Variants in DPH6 observed in about 807,000 individuals in gnomAD.
DPH6 encodes diphthamine biosynthesis 6.
A neutral mutation model predicts 38.2 loss-of-function variants in DPH6; 33 were observed. The observed-to-expected ratio is 0.86, with a 90% CI of 0.65 to 1.15. DPH6 has a LOEUF of 1.15. Ranked by LOEUF, DPH6 falls within the 50% of genes most tolerant of loss-of-function variation. The pLI is 0.00. For missense variants in DPH6, 325 were observed against 320.0 expected (o/e 1.02, Z -0.12); for synonymous variants, 108 against 103.0 (o/e 1.05, Z -0.30).
downstream of DPH6, among the ~76,000 whole-genome samples, chr15:35,327,452 T>TC (rs1242235619): frequency 6.6e-6 from 1 of 151,574 alleles, no homozygotes; most frequent in African/African-American, 2.4e-5. Flanking sequence ...TTCACACCAT[T>TC]CTCCTGCCTC....
At chr15:35,494,375 T>A (rs2054521675) in intron 3 of DPH6, among the ~76,000 whole-genome samples, 1 of 152,060 alleles carries the variant, frequency 6.6e-6, no homozygotes, top group Non-Finnish European at 1.5e-5. Flanking sequence ...CTTCAAAATA[T>A]CAAAGCAAAG....
At chr15:35,254,511 A>C (rs1037261408) in intron 3 of DPH6, among the ~76,000 whole-genome samples, 1 of 152,118 alleles carries the variant, frequency 6.6e-6, no homozygotes, top group African/African-American at 2.4e-5. Flanking sequence ...TTTAAAATAC[A>C]AAAAAAAGTT....
chr15:35,164,768 C>T, the DPH6 span, among the ~76,000 whole-genome samples: 1 of 151,774 alleles, frequency 6.6e-6, no homozygotes, highest in Non-Finnish European at 1.5e-5. Context: ...GAAAGATGTC[C>T]TCATCTTATA....
intron 3 of DPH6, among the ~76,000 whole-genome samples, chr15:35,315,255 C>T (rs1264822930): frequency 1.3e-5 from 2 of 152,218 alleles, no homozygotes; most frequent in Admixed American, 6.5e-5. Flanking sequence ...ATCTTGACAA[C>T]CTTTTGCAGG....
chr15:35,502,044 G>A (rs2054634307), intron 3 of DPH6, among the ~76,000 whole-genome samples: 1 of 151,982 alleles, frequency 6.6e-6, no homozygotes, highest in Non-Finnish European at 1.5e-5. Flanking sequence ...TAAAATTGAT[G>A]GCTTAAAAAT....
intron 3 of DPH6, among the ~76,000 whole-genome samples, chr15:35,532,790 G>A (rs1595448889): frequency 6.6e-6 from 1 of 151,972 alleles, no homozygotes; most frequent in East Asian, 1.9e-4. Flanking sequence ...AAGGGAGGGA[G>A]GGAAGAGAGA....
chr15:35,462,090 A>T (rs968616931), intron 3 of DPH6, among the ~76,000 whole-genome samples: 21 of 152,178 alleles, frequency 1.4e-4, no homozygotes, highest in Admixed American at 1.3e-3. Context: ...TATGACGTGC[A>T]TCCTATCAAT....
chr15:35,350,128 G>A (rs1445026713), intron 3 of DPH6, among the ~76,000 whole-genome samples: 1 of 152,072 alleles, frequency 6.6e-6, no homozygotes, highest in African/African-American at 2.4e-5. Context: ...CTCCTTACTC[G>A]TTATTGGTCT....
intron 3 of DPH6, among the ~76,000 whole-genome samples, chr15:35,504,068 A>T (rs2054662398): frequency 1.3e-5 from 2 of 152,088 alleles, no homozygotes; most frequent in African/African-American, 4.8e-5. Context: ...TCAAGATCTC[A>T]AAAGACCTAG....
intron 1 of DPH6, 123 bp downstream of exon 1, chr15:35,545,996 A>C: frequency 2.2e-6 from 2 of 906,214 alleles, no homozygotes; most frequent in African/African-American, 1.7e-5. Context: ...TGTGGCTCGG[A>C]GGAGCCGCGG....
At chr15:35,286,938 T>C (rs972912116) in intron 3 of DPH6, among the ~76,000 whole-genome samples, 1 of 152,186 alleles carries the variant, frequency 6.6e-6, no homozygotes, top group Admixed American at 6.5e-5. Context: ...ACTTTTCCTC[T>C]GAGGAAAGGA....
At chr15:35,195,970 T>A in the DPH6 span, among the ~76,000 whole-genome samples, 1 of 152,122 alleles carries the variant, frequency 6.6e-6, no homozygotes, top group Non-Finnish European at 1.5e-5. Flanking sequence ...AAGTGTGGGC[T>A]GGTTGGAGGG....
At chr15:35,253,980 A>T (rs2051691443) in intron 3 of DPH6, among the ~76,000 whole-genome samples, 1 of 152,216 alleles carries the variant, frequency 6.6e-6, no homozygotes, top group Admixed American at 6.5e-5. Flanking sequence ...AAAAGAATTT[A>T]CGTTTTGAAT....
chr15:35,162,384 A>G, the DPH6 span, among the ~76,000 whole-genome samples: 2 of 151,800 alleles, frequency 1.3e-5, no homozygotes, highest in Non-Finnish European at 2.9e-5. Flanking sequence ...TTATATCTCC[A>G]TCTTTCCAAT....
the DPH6 span, among the ~76,000 whole-genome samples, chr15:35,155,457 A>ATGAT: frequency 1.8e-4 from 27 of 152,330 alleles, 1 homozygote; most frequent in East Asian, 5.0e-3. Context: ...CCAATTTGAA[A>ATGAT]TGATTAGAAA....
intron 7 of DPH6, among the ~76,000 whole-genome samples, chr15:35,379,799 C>T (rs1014989613): frequency 1.3e-5 from 2 of 151,926 alleles, no homozygotes; most frequent in Admixed American, 6.6e-5. Context: ...TAAACAACAA[C>T]AAATTACAAA....
chr15:35,538,118 T>C (rs898628344), intron 3 of DPH6, 156 bp downstream of exon 3: 1 of 502,976 alleles, frequency 2.0e-6, no homozygotes, highest in Non-Finnish European at 3.3e-6. Flanking sequence ...ATACTAATCA[T>C]TTGCAGTTTT....
At chr15:35,443,631 C>T (rs879597473) in intron 5 of DPH6, among the ~76,000 whole-genome samples, 1 of 152,148 alleles carries the variant, frequency 6.6e-6, no homozygotes, top group African/African-American at 2.4e-5. Context: ...CAAGAAATGT[C>T]TCCAAGGTCC....
intron 3 of DPH6, among the ~76,000 whole-genome samples, chr15:35,353,650 G>C (rs961082309): frequency 2.0e-5 from 3 of 152,042 alleles, no homozygotes; most frequent in African/African-American, 7.2e-5. Context: ...TCTCTGTTTT[G>C]GTACCAGTAG....
Sources: gnomAD v4.1 joint callset for allele counts (sites outside exome capture counted in the v4.1 genomes callset) on GRCh38, gnomAD v4.1.1 for gene constraint, MANE v1.5 for transcripts, NCBI Gene and HGNC (gene_info 2026-07-23, HGNC 2026-07-21) for gene names.